ERC2: variants seen among roughly 807,000 people sequenced by gnomAD.
ERC2 encodes ERC protein 2.
A neutral mutation model predicts 114.8 loss-of-function variants in ERC2; 42 were observed. That is an observed-to-expected ratio of 0.37 (90% CI 0.29 to 0.47). The LOEUF (loss-of-function observed/expected upper bound fraction) is 0.47. ERC2 is among the 20% of genes least tolerant of loss of function. The pLI is 0.99. For synonymous variants in ERC2, 454 were observed against 425.5 expected (o/e 1.07, Z -0.82); for missense variants, 939 against 1,150.7 (o/e 0.82, Z 2.66).
chr3:55,623,931 A>G (rs963962310), intron 17 of ERC2, among the ~76,000 whole-genome samples: 8 of 152,242 alleles, frequency 5.3e-5, no homozygotes, highest in Non-Finnish European at 1.0e-4. Flanking sequence ...ACTGGGTAAC[A>G]AGCATTTTGC....
chr3:56,394,773 T>C (rs188119453), intron 2 of ERC2, among the ~76,000 whole-genome samples: 3 of 152,338 alleles, frequency 2.0e-5, no homozygotes, highest in Admixed American at 1.3e-4. Context: ...GGTGGAAATG[T>C]AAAAGGGTGC....
intron 7 of ERC2, among the ~76,000 whole-genome samples, chr3:56,031,122 G>A (rs994527451): frequency 6.6e-6 from 1 of 152,152 alleles, no homozygotes; most frequent in African/African-American, 2.4e-5. Flanking sequence ...CAGGCACATA[G>A]CCATAGACCC....
chr3:55,565,574 G>C (rs943768016), intron 17 of ERC2, among the ~76,000 whole-genome samples: 3 of 151,810 alleles, frequency 2.0e-5, no homozygotes, highest in Non-Finnish European at 4.4e-5. Context: ...GCTACCATCA[G>C]GACTATCATA....
intron 14 of ERC2, among the ~76,000 whole-genome samples, chr3:55,819,718 C>T (rs930145109): frequency 1.3e-5 from 2 of 152,182 alleles, no homozygotes; most frequent in Admixed American, 1.3e-4. Flanking sequence ...GATATTAGGA[C>T]GGCAGAGACA....
At chr3:55,667,997 C>T (rs1576031686) in intron 17 of ERC2, among the ~76,000 whole-genome samples, 1 of 152,276 alleles carries the variant, frequency 6.6e-6, no homozygotes, top group East Asian at 1.9e-4. Flanking sequence ...CCAATAGCAT[C>T]CCTGCCACCC....
At chr3:55,657,076 C>T (rs2148697148) in intron 17 of ERC2, 1 of 152,324 alleles carries the variant, frequency 6.6e-6, no homozygotes, top group East Asian at 1.9e-4. Context: ...CACTGGGAAG[C>T]TCCGTGGCTA....
intron 3 of ERC2, among the ~76,000 whole-genome samples, chr3:56,227,917 C>T (rs1240598107): frequency 6.6e-6 from 1 of 152,160 alleles, no homozygotes; most frequent in Admixed American, 6.6e-5. Context: ...GGTATATTCA[C>T]ATAATGGGAA....
intron 14 of ERC2, among the ~76,000 whole-genome samples, chr3:55,809,345 T>G (rs1003988871): frequency 6.6e-6 from 1 of 152,090 alleles, no homozygotes; most frequent in Non-Finnish European, 1.5e-5. Flanking sequence ...ATGGCTAGTA[T>G]CTGAAAAACA....
At chr3:56,180,356 G>T (rs1221531994) in intron 3 of ERC2, among the ~76,000 whole-genome samples, 7 of 152,112 alleles carry the variant, frequency 4.6e-5, no homozygotes, top group African/African-American at 1.7e-4. Flanking sequence ...CTCTGCTTTA[G>T]ATTTGTACAC....
intron 3 of ERC2, among the ~76,000 whole-genome samples, chr3:56,208,226 G>A (rs1439343665): frequency 6.6e-5 from 10 of 152,172 alleles, no homozygotes; most frequent in Admixed American, 6.6e-4. Context: ...TCATAAAGAT[G>A]TCATAGGGCT....
At chr3:56,240,018 C>T (rs774809436) in intron 3 of ERC2, among the ~76,000 whole-genome samples, 29 of 152,266 alleles carry the variant, frequency 1.9e-4, no homozygotes, top group East Asian at 3.9e-4. Flanking sequence ...CAAACCTTCC[C>T]GAGTTTGCCT....
At chr3:56,344,244 T>C (rs2058217305) in intron 2 of ERC2, among the ~76,000 whole-genome samples, 1 of 152,212 alleles carries the variant, frequency 6.6e-6, no homozygotes, top group African/African-American at 2.4e-5. Flanking sequence ...TATAATAACC[T>C]AGGTTAAGCT....
intron 17 of ERC2, among the ~76,000 whole-genome samples, chr3:55,675,894 CTTTTCTTTCTTTTTTTTTTTT>C (rs1395468628): frequency 5.1e-4 from 36 of 70,468 alleles, no homozygotes; most frequent in Non-Finnish European, 7.9e-4. Context: ...CTTTCTTTCT[CTTTTCTTTCTTTTTTTTTTTT>C]TTTTTTTTTT....
At chr3:55,641,549 C>CAAAAAAAAAAAAAAAAAAA (rs57407975) in intron 17 of ERC2, among the ~76,000 whole-genome samples, 1 of 28,326 alleles carries the variant, frequency 3.5e-5, no homozygotes, top group African/African-American at 1.5e-4. Context: ...GATTCTATCT[C>CAAAAAAAAAAAAAAAAAAA]AAAAAAAAAA....
At chr3:55,515,527 C>G (rs1016758101) in intron 17 of ERC2, among the ~76,000 whole-genome samples, 1 of 151,604 alleles carries the variant, frequency 6.6e-6, no homozygotes, top group Non-Finnish European at 1.5e-5. Context: ...GCCATGGTGC[C>G]CAGCCGTTAA....
chr3:56,206,468 C>T (rs919352984), intron 3 of ERC2, among the ~76,000 whole-genome samples: 4 of 152,152 alleles, frequency 2.6e-5, no homozygotes, highest in Non-Finnish European at 5.9e-5. Context: ...GTCACCATAG[C>T]ATTGTTACAA....
intron 17 of ERC2, among the ~76,000 whole-genome samples, chr3:55,534,709 G>A (rs2053885604): frequency 6.6e-6 from 1 of 152,054 alleles, no homozygotes; most frequent in African/African-American, 2.4e-5. Context: ...GAAGGACCTA[G>A]TACAGGACCT....
intron 13 of ERC2, among the ~76,000 whole-genome samples, chr3:55,910,653 T>C (rs1449573239): frequency 1.3e-5 from 2 of 152,208 alleles, no homozygotes; most frequent in African/African-American, 2.4e-5. Flanking sequence ...ATCTAAATCT[T>C]GTGAGTATGA....
intron 3 of ERC2, among the ~76,000 whole-genome samples, chr3:56,230,583 A>G (rs562016551): frequency 4.2e-4 from 64 of 152,310 alleles, no homozygotes; most frequent in African/African-American, 1.4e-3. Flanking sequence ...AAAGCATTCA[A>G]ATTATTATAA....
Sources: allele counts gnomAD v4.1 joint callset (sites outside exome capture counted in the v4.1 genomes callset), GRCh38; gene constraint gnomAD v4.1.1; transcripts MANE v1.5; gene names NCBI Gene and HGNC (gene_info 2026-07-23, HGNC 2026-07-21).